CHTOP: variants seen among roughly 807,000 people sequenced by gnomAD.
CHTOP encodes chromatin target of PRMT1, also known as chromatin target of PRMT1 protein.
In CHTOP, 18 loss-of-function variants were observed where a neutral mutation model predicts 33.6. The observed-to-expected ratio is 0.54, with a 90% CI of 0.37 to 0.80. CHTOP has a LOEUF of 0.80. CHTOP is among the 30% of genes least tolerant of loss of function. The pLI is 0.00. For missense variants in CHTOP, 263 were observed against 336.8 expected, an observed-to-expected ratio of 0.78 and a Z score of 1.71; for synonymous variants, 117 against 127.7, an observed-to-expected ratio of 0.92 and a Z score of 0.56.
chr1:153,639,427 G>A lies in CHTOP; in HGVS notation c.219+979G>A, dbSNP rs191521147. ...GGATATGTCCAAGCTGTGGCTGGGC[G>A]TCTGGAGGGCAGTGCCATGCAACTG... On this transcript the variant is annotated intron_variant, in intron 3 of 5. Coordinates refer to ENST00000368694, the MANE Select transcript of CHTOP (RefSeq NM_015607.4). 8.2e-4 allele frequency: 808 copies of A among 982,264 alleles called. 2 individuals carry two copies. The African/African-American group carries it at 1.0e-2, about 12-fold the overall frequency. 60.8% of individuals were successfully genotyped at this position (982,264 alleles called of 1,614,324 possible). A position where few individuals can be genotyped will look rare whatever the true frequency, so the allele number is the denominator to read the frequency against.
intron 3 of CHTOP, 130 bp from the exon 4 acceptor site, chr1:153,642,116 A>G (rs1571320007): frequency 3.1e-6 from 2 of 652,998 alleles, no homozygotes; most frequent in East Asian, 5.8e-5. Flanking sequence ...GATCCTTTTG[A>G]CACCCACAAC....
At chr1:153,635,821 CAA>C (rs1162341045) in intron 1 of CHTOP, among the ~76,000 whole-genome samples, 8 of 111,082 alleles carry the variant, frequency 7.2e-5, no homozygotes, top group Non-Finnish European at 7.7e-5. Flanking sequence ...GACTCTGTCT[CAA>C]AAAAAAAAAA....
At position 153,645,264 on chromosome 1, in the gene CHTOP, G is replaced by A; in HGVS notation, c.742G>A (p.Asp248Asn). Residue 248 changes from aspartate (D) to asparagine (N), a missense_variant, in exon 6 of 6, where the codon GAT becomes AAT. By Grantham distance (23) the Asp-to-Asn change is conservative. This residue lies in a region of CHTOP where 22 missense variants were observed against 47.9 expected (regional missense o/e 0.46). Coordinates refer to ENST00000368694, the MANE Select transcript of CHTOP (RefSeq NM_015607.4). ...GGCGCAGACAGATCCCGAAACCAAT[G>A]ATTGAAGCCTGCCCATCCTCCCATG... ...YMAQTDPETN[D>N] 1 of 1,614,166 alleles carries A rather than the reference G, an allele frequency of 6.2e-7. No homozygotes were observed. Among genetic ancestry groups the A allele is most frequent in the Non-Finnish European group, 8.5e-7 (1 of 1,180,014 alleles).
At chr1:153,642,116 A>C in intron 3 of CHTOP, 130 bp from the exon 4 acceptor site, 1 of 652,998 alleles carries the variant, frequency 1.5e-6, no homozygotes, top group Non-Finnish European at 2.5e-6. Flanking sequence ...GATCCTTTTG[A>C]CACCCACAAC....
At chr1:153,636,194 G>C (rs1181480163) in intron 1 of CHTOP, among the ~76,000 whole-genome samples, 1 of 151,234 alleles carries the variant, frequency 6.6e-6, no homozygotes, top group Non-Finnish European at 1.5e-5. Context: ...CTCCCAAAGT[G>C]TTAGGGTTAC....
At chr1:153,642,566 T>C in intron 4 of CHTOP, 137 bp downstream of exon 4, 1 of 644,464 alleles carries the variant, frequency 1.6e-6, no homozygotes, top group Admixed American at 3.4e-5. Flanking sequence ...CACATATTTT[T>C]AATAGTGCTG....
chr1:153,644,807 T>C (rs1169279387), intron 5 of CHTOP, among the ~76,000 whole-genome samples: 2 of 152,184 alleles, frequency 1.3e-5, no homozygotes, highest in Non-Finnish European at 1.5e-5. Flanking sequence ...TGCCAGTTAA[T>C]TATTTTCCTT....
intron 5 of CHTOP, chr1:153,643,644 A>C: frequency 3.8e-6 from 1 of 265,668 alleles, no homozygotes; most frequent in East Asian, 8.0e-5. Context: ...ATACCCCCCA[A>C]AATGGTCAGT....
In CHTOP at chr1:153,645,353, A is replaced by G. The variant is rs1314167570; in HGVS notation, c.*84A>G. ...GAGATAACAGATGAGAAGAAATCTG[A>G]TTGATGCTGGATGGACCTATCACAA... On this transcript the variant is annotated 3_prime_UTR_variant, in exon 6 of 6. Coordinates refer to ENST00000368694, the MANE Select transcript of CHTOP (RefSeq NM_015607.4). 1.5e-6 allele frequency: 2 copies of G among 1,345,560 alleles called. No individual in the cohort carries two copies. The highest frequency in any genetic ancestry group is 2.1e-6 in the Non-Finnish European group (2 of 966,556). The allele number at this position is 1,345,560 out of a possible 1,614,324, so 83.4% of individuals were successfully genotyped here.
At chr1:153,638,173 GT>G (rs1668481755) in intron 2 of CHTOP, 121 bp from the exon 3 acceptor site, 3 of 923,910 alleles carry the variant, frequency 3.2e-6, no homozygotes, top group Non-Finnish European at 5.1e-6. Flanking sequence ...CTTGATCTAA[GT>G]GTACCACTTT....
chr1:153,638,148 T>A, intron 2 of CHTOP, 147 bp from the exon 3 acceptor site: 1 of 734,328 alleles, frequency 1.4e-6, no homozygotes. Context: ...AGAGGAGTCT[T>A]TAACCCACAT....
chr1:153,638,123 C>G (rs1301607811), intron 2 of CHTOP, 172 bp from the exon 3 acceptor site: 3 of 640,176 alleles, frequency 4.7e-6, no homozygotes, highest in Non-Finnish European at 8.2e-6. Context: ...CTGATTCTTG[C>G]AAGTTTGTGG....
chr1:153,637,386 AT>A (rs1668444019), intron 2 of CHTOP: 1 of 152,250 alleles, frequency 6.6e-6, no homozygotes, highest in Non-Finnish European at 1.5e-5. Flanking sequence ...GCGGTGGCTC[AT>A]GCCTGTAATC....
In CHTOP at chr1:153,643,312, G is replaced by T. The variant is rs1165462645; in HGVS notation, c.489G>T (p.Gly163=). The stretch of plus-strand genomic sequence containing the variant: ...GTGTTCGAGGTCGTGGAGGTCCTGG[G>T]AGAGGGGGCCTAGGGCGTGGAGCTA... The part of the protein sequence containing the change: ...RGGVRGRGGP[G]RGGLGRGAMG... Residue 163 remains glycine (G), a synonymous_variant, in exon 5 of 6, where the codon GGG becomes GGT. Coordinates refer to ENST00000368694, the MANE Select transcript of CHTOP (RefSeq NM_015607.4). The T allele has an allele frequency of 3.1e-6, 5 of 1,613,256 alleles. No homozygotes were observed. Among genetic ancestry groups the T allele is most frequent in the Non-Finnish European group, 4.2e-6 (5 of 1,179,538 alleles).
chr1:153,636,993 T>G, intron 2 of CHTOP: 1 of 214,220 alleles, frequency 4.7e-6, no homozygotes, highest in Non-Finnish European at 9.5e-6. Flanking sequence ...TGCTGCCCAG[T>G]CCAAGGCCAG....
chr1:153,634,735 T>G (rs1668267926), intron 1 of CHTOP, among the ~76,000 whole-genome samples: 1 of 152,074 alleles, frequency 6.6e-6, no homozygotes, highest in Non-Finnish European at 1.5e-5. Flanking sequence ...AGAAAACCTT[T>G]CCTACTCCCC....
At chr1:153,643,434 TTC>T in intron 5 of CHTOP, 70 bp downstream of exon 5, 11 of 1,429,940 alleles carry the variant, frequency 7.7e-6, no homozygotes, top group Non-Finnish European at 1.0e-5. Flanking sequence ...AGAGCCACCT[TTC>T]TGCACAGCTT....
rs887869592 is a variant in CHTOP, at chr1:153,646,135, C to G, written c.*866C>G. The G allele has an allele frequency of 6.6e-6, 1 of 152,100 alleles. No individual in the cohort carries two copies. Among genetic ancestry groups the G allele is most frequent in the African/African-American group, 2.4e-5 (1 of 41,408 alleles). The allele number at this position is 152,100 out of a possible 1,614,324, so 9.4% of individuals were successfully genotyped here. On this transcript the variant is annotated 3_prime_UTR_variant, in exon 6 of 6. Coordinates refer to ENST00000368694, the MANE Select transcript of CHTOP (RefSeq NM_015607.4). Reference sequence around the variant, plus strand: ...GTCAGAAGATAGCCATGCTAAAATGCAATTATATCCTCATGTTTATCCCAA... The same window carrying G: ...GTCAGAAGATAGCCATGCTAAAATGGAATTATATCCTCATGTTTATCCCAA...
intron 1 of CHTOP, among the ~76,000 whole-genome samples, chr1:153,635,912 AGTTT>A (rs555384560): frequency 1.2e-3 from 174 of 151,250 alleles, no homozygotes; most frequent in African/African-American, 2.8e-3. Flanking sequence ...TGGGCCTTGA[AGTTT>A]GTTTGTTTGT....
Sources: gnomAD v4.1 joint callset for allele counts (sites outside exome capture counted in the v4.1 genomes callset) on GRCh38, gnomAD v4.1.1 for gene constraint, gnomAD v4.1.1 regional missense constraint, MANE v1.5 for transcripts, NCBI Gene and HGNC (gene_info 2026-07-23, HGNC 2026-07-21) for gene names.